NEK10: variants seen among roughly 807,000 people sequenced by gnomAD.
NEK10 encodes serine/threonine-protein kinase Nek10.
A neutral mutation model predicts 159.8 loss-of-function variants in NEK10; 122 were observed. That is an observed-to-expected ratio of 0.76 (90% CI 0.66 to 0.89). The LOEUF (loss-of-function observed/expected upper bound fraction) is 0.89. NEK10 is among the 40% of genes least tolerant of loss of function. The probability of loss-of-function intolerance (pLI) is 0.00; values close to 1 mark genes in which losing one functional copy is unlikely to be tolerated. For synonymous variants in NEK10, 466 were observed against 457.1 expected (o/e 1.02, Z -0.25); for missense variants, 1,342 against 1,323.1 (o/e 1.01, Z -0.22).
chr3:27,260,058 T>A (rs1370924179), intron 22 of NEK10, among the ~76,000 whole-genome samples: 1 of 152,208 alleles, frequency 6.6e-6, no homozygotes, highest in African/African-American at 2.4e-5. Flanking sequence ...GTGATTTTTG[T>A]ACATTAATTT....
intron 30 of NEK10, 33 bp downstream of exon 30, chr3:27,162,668 T>C (rs1260675534): frequency 6.2e-7 from 1 of 1,614,010 alleles, no homozygotes; most frequent in African/African-American, 1.3e-5. Flanking sequence ...TAGAGAGTTG[T>C]GTTTGATTTT....
At chr3:27,127,404 C>T (rs747639702) in intron 32 of NEK10, among the ~76,000 whole-genome samples, 40 of 152,098 alleles carry the variant, frequency 2.6e-4, no homozygotes, top group Admixed American at 2.6e-3. Flanking sequence ...GTGCAAACAT[C>T]ATAGAGTGTA....
intron 26 of NEK10, among the ~76,000 whole-genome samples, chr3:27,186,896 G>C (rs148583236): frequency 5.6e-4 from 85 of 152,254 alleles, no homozygotes; most frequent in African/African-American, 1.9e-3. Flanking sequence ...AAGCCCCCAT[G>C]TGTCTTGTGC....
intron 30 of NEK10, among the ~76,000 whole-genome samples, chr3:27,159,463 C>T (rs547490644): frequency 2.0e-5 from 3 of 152,220 alleles, no homozygotes; most frequent in East Asian, 1.9e-4. Flanking sequence ...AGTTCTCAGA[C>T]ATAGGCAAAT....
chr3:27,177,798 G>C (rs773606281), intron 26 of NEK10, among the ~76,000 whole-genome samples: 9 of 152,028 alleles, frequency 5.9e-5, no homozygotes, highest in Non-Finnish European at 1.2e-4. Flanking sequence ...CATAGCAAAG[G>C]CTCAATAAAT....
rs148426258 is a variant in NEK10, at chr3:27,158,927, G to C, written c.2869+3774C>G. 5.3e-3 allele frequency among the ~76,000 whole-genome samples: 801 copies of C among 152,124 alleles called. 3 individuals are homozygous for C. Among genetic ancestry groups the C allele is most frequent in the Non-Finnish European group, 8.8e-3 (598 of 67,970 alleles). Reference sequence around the variant, plus strand: ...CATTTCCCTTGTCTTGAAAGGAAACGATTATTTCTTTTTTATACAAGACAG... The same window carrying C: ...CATTTCCCTTGTCTTGAAAGGAAACCATTATTTCTTTTTTATACAAGACAG... On this transcript the variant is annotated intron_variant, in intron 30 of 35. Transcript: ENST00000691995.
At chr3:27,285,004 A>G (rs2042469967) in intron 20 of NEK10, 43 bp from the exon 21 acceptor site, 1 of 1,504,870 alleles carries the variant, frequency 6.6e-7, no homozygotes, top group East Asian at 2.3e-5. Context: ...TAAACTCAAT[A>G]CAGGCATCTT....
At chr3:27,347,191 A>T (rs2047616170) in intron 3 of NEK10, among the ~76,000 whole-genome samples, 1 of 152,182 alleles carries the variant, frequency 6.6e-6, no homozygotes, top group African/African-American at 2.4e-5. Context: ...GTCTTATTTC[A>T]CTGAAGTATT....
At chr3:27,356,053 G>A (rs2149843595) in intron 1 of NEK10, among the ~76,000 whole-genome samples, 1 of 152,280 alleles carries the variant, frequency 6.6e-6, no homozygotes, top group Middle Eastern at 3.4e-3. Flanking sequence ...TTTCAGGAAT[G>A]AGTTCTCTCT....
chr3:27,249,305 C>A (rs1955417364), intron 23 of NEK10, among the ~76,000 whole-genome samples: 1 of 152,154 alleles, frequency 6.6e-6, no homozygotes, highest in East Asian at 1.9e-4. Context: ...TCAGGTAGTT[C>A]TTTATAGCAG....
In NEK10 at chr3:27,174,181, ACT is replaced by A. The variant is rs570213509; in HGVS notation, c.2776+256_2776+257del. Among the ~76,000 whole-genome samples, 5 of 152,236 alleles carry A rather than the reference ACT, an allele frequency of 3.3e-5. No individual in the cohort carries two copies. The South Asian group carries it at 1.0e-3, about 32-fold the overall frequency. ...GGCTGTCTCCAAGTTAGATATCTTG[ACT>A]CTCTAGTTAGAACCTGCAATTGCTG... On this transcript the variant is annotated intron_variant, in intron 28 of 35. Coordinates refer to ENST00000691995, the MANE Select transcript of NEK10 (RefSeq NM_001394966.1).
chr3:27,155,253 C>CA (rs1316057820), intron 30 of NEK10, among the ~76,000 whole-genome samples: 3 of 152,088 alleles, frequency 2.0e-5, no homozygotes, highest in Non-Finnish European at 4.4e-5. Flanking sequence ...CCTGTAATCC[C>CA]AGCAGTTTGG....
At chr3:27,351,773 C>T (rs1232086825) in intron 3 of NEK10, among the ~76,000 whole-genome samples, 1 of 152,008 alleles carries the variant, frequency 6.6e-6, no homozygotes, top group Admixed American at 6.6e-5. Flanking sequence ...AGTCCCATCC[C>T]TTCCATTTAT....
intron 23 of NEK10, among the ~76,000 whole-genome samples, chr3:27,254,000 AGCCCTCAG>A: frequency 6.6e-6 from 1 of 152,222 alleles, no homozygotes; most frequent in South Asian, 2.1e-4. Flanking sequence ...TCCCCAGAGC[AGCCCTCAG>A]TCAGATGCTG....
intron 23 of NEK10, among the ~76,000 whole-genome samples, chr3:27,207,584 G>A (rs1369543771): frequency 1.3e-5 from 2 of 152,110 alleles, no homozygotes; most frequent in Admixed American, 6.6e-5. Flanking sequence ...ACTACTGTAA[G>A]TCTATCTTAT....
intron 8 of NEK10, 35 bp downstream of exon 8, chr3:27,312,064 C>T: frequency 1.4e-6 from 2 of 1,420,902 alleles, no homozygotes; most frequent in South Asian, 2.3e-5. Context: ...CTAGCAAGTC[C>T]ACAAAAATGG....
At chr3:27,151,302 G>T (rs1462352158) in intron 30 of NEK10, among the ~76,000 whole-genome samples, 1 of 152,202 alleles carries the variant, frequency 6.6e-6, no homozygotes, top group Admixed American at 6.5e-5. Flanking sequence ...CCACGGTTGA[G>T]AGACCCATAG....
At chr3:27,267,804 T>C (rs1010766516) in intron 22 of NEK10, among the ~76,000 whole-genome samples, 3 of 152,188 alleles carry the variant, frequency 2.0e-5, no homozygotes, top group African/African-American at 7.2e-5. Context: ...CATACATCTC[T>C]GACTTTTGAT....
Position 27,202,494 on chromosome 3 carries a change from GA to G in NEK10, c.2153del (p.Ile718ThrfsTer8), listed in dbSNP as rs773343887. ...EKADVWAVGCILYQMATLSPP... is the reference protein window; with the variant it reads ...EKADVWAVGCXLYQMATLSPP... ...GACTCAAAGTCGCCATCTGATAAAG[GA>G]TGCAGCCTACTGCCCAGACATCAGC... On this transcript the variant is annotated frameshift_variant, in exon 24 of 36. Coordinates refer to ENST00000691995, the MANE Select transcript of NEK10 (RefSeq NM_001394966.1). LOFTEE classifies it high-confidence loss of function. The G allele has an allele frequency of 1.2e-6, 2 of 1,613,178 alleles. No homozygotes were observed. The highest frequency in any genetic ancestry group is 2.7e-5 in the African/African-American group (2 of 74,902).
Sources: gnomAD v4.1 joint callset for allele counts (sites outside exome capture counted in the v4.1 genomes callset) on GRCh38, gnomAD v4.1.1 for gene constraint, MANE v1.5 for transcripts, NCBI Gene and HGNC (gene_info 2026-07-23, HGNC 2026-07-21) for gene names.